Variants in PCDHA4 observed in about 807,000 individuals in gnomAD.
PCDHA4 encodes protocadherin alpha-4.
In PCDHA4, 49 loss-of-function variants were observed where a neutral mutation model predicts 61.4. The observed-to-expected ratio is 0.80, with a 90% CI of 0.63 to 1.01. The LOEUF is 1.01. Among genes scored for constraint, PCDHA4 ranks in the 50% least tolerant of loss-of-function variants. The pLI, the probability that PCDHA4 is intolerant of heterozygous loss-of-function variation, is 0.00. For synonymous variants in PCDHA4, 590 were observed against 550.3 expected, an observed-to-expected ratio of 1.07 and a Z score of -1.01; for missense variants, 1,254 against 1,235.8, an observed-to-expected ratio of 1.01 and a Z score of -0.22.
chr5:140,942,122 G>A (rs2093234713), intron 1 of PCDHA4, among the ~76,000 whole-genome samples: 1 of 152,064 alleles, frequency 6.6e-6, no homozygotes, highest in Non-Finnish European at 1.5e-5. Flanking sequence ...TTTATTAAAG[G>A]TGATATTTGT....
intron 3 of PCDHA4, among the ~76,000 whole-genome samples, chr5:140,996,923 A>G (rs1385919756): frequency 6.6e-6 from 1 of 152,230 alleles, no homozygotes; most frequent in Non-Finnish European, 1.5e-5. Flanking sequence ...ATATTAAAAA[A>G]TATAGCATTT....
intron 1 of PCDHA4, chr5:140,868,213 A>G (rs1296985055): frequency 6.6e-6 from 1 of 152,200 alleles, no homozygotes; most frequent in Non-Finnish European, 1.5e-5. Flanking sequence ...GAAATAATAT[A>G]TGTCAAATAA....
Position 140,926,923 on chromosome 5 carries a change from T to C in PCDHA4, c.2386-52026T>C, listed in dbSNP as rs532425369. On this transcript the variant is annotated intron_variant, in intron 1 of 3. Transcript: ENST00000530339. ...GGGCTGTGGGGTGGCAGTTTTATGT[T>C]TGTGGGTTTCCTGCGGCGCTGCAGC... 35 of 1,571,554 alleles carry C rather than the reference T, an allele frequency of 2.2e-5. No homozygotes were observed. The East Asian group carries it at 6.5e-4, about 29-fold the overall frequency.
chr5:140,952,923 C>CAGGA (rs1455819119), intron 1 of PCDHA4, among the ~76,000 whole-genome samples: 1 of 151,990 alleles, frequency 6.6e-6, no homozygotes, highest in Non-Finnish European at 1.5e-5. Flanking sequence ...ATGGCATGAG[C>CAGGA]AGGAGCAGGA....
At chr5:140,832,690 A>T (rs1294300661) in intron 1 of PCDHA4, among the ~76,000 whole-genome samples, 1 of 152,324 alleles carries the variant, frequency 6.6e-6, no homozygotes, top group South Asian at 2.1e-4. Flanking sequence ...AATTAACAAG[A>T]CCTGGCTTCA....
intron 3 of PCDHA4, among the ~76,000 whole-genome samples, chr5:140,991,894 C>T (rs1426754578): frequency 6.6e-6 from 1 of 152,164 alleles, no homozygotes; most frequent in Non-Finnish European, 1.5e-5. Context: ...AACAAATTAA[C>T]ACAAAATCCC....
intron 1 of PCDHA4, chr5:140,842,662 C>G (rs2150341461): frequency 1.3e-6 from 2 of 1,595,426 alleles, no homozygotes; most frequent in East Asian, 2.2e-5. Context: ...AGGTGGCCGA[C>G]GTGAACGACA....
intron 3 of PCDHA4, among the ~76,000 whole-genome samples, chr5:140,999,590 C>T (rs951986017): frequency 3.3e-5 from 5 of 152,132 alleles, no homozygotes; most frequent in Non-Finnish European, 7.3e-5. Context: ...AAATTGCCTT[C>T]CCTACATCCT....
intron 2 of PCDHA4, among the ~76,000 whole-genome samples, chr5:140,981,118 G>A (rs1205022984): frequency 6.6e-6 from 1 of 152,196 alleles, no homozygotes; most frequent in Admixed American, 6.5e-5. Flanking sequence ...TACTGGATAT[G>A]TTGTTTGAAG....
Position 140,818,967 on chromosome 5 carries a change from A to T in PCDHA4, c.2385+9395A>T, listed in dbSNP as rs2150102814. On this transcript the variant is annotated intron_variant, in intron 1 of 3. Transcript: ENST00000530339. Reference sequence around the variant, plus strand: ...CATTGATATTCACTATCTCAGGGATATGTTAGAACTATTCTCATATTTTCT... The same window carrying T: ...CATTGATATTCACTATCTCAGGGATTTGTTAGAACTATTCTCATATTTTCT... Among the ~76,000 whole-genome samples, 9 of 152,370 alleles carry T rather than the reference A, an allele frequency of 5.9e-5. No homozygotes were observed. The East Asian group carries it at 1.7e-3, about 29-fold the overall frequency.
intron 1 of PCDHA4, chr5:140,823,399 C>G: frequency 6.2e-7 from 1 of 1,612,960 alleles, no homozygotes; most frequent in Non-Finnish European, 8.5e-7. Flanking sequence ...CGCGGGCGTG[C>G]CGCCTCTGGG....
intron 1 of PCDHA4, chr5:140,842,971 G>T: frequency 6.3e-7 from 1 of 1,594,964 alleles, no homozygotes; most frequent in Non-Finnish European, 8.6e-7. Context: ...GCAACGTGAC[G>T]CTGCAGGTGT....
At position 140,843,028 on chromosome 5, in the gene PCDHA4, G is replaced by A. The variant is rs2150350487; in HGVS notation, c.2385+33456G>A. 21 of 1,595,152 alleles carry A rather than the reference G, an allele frequency of 1.3e-5. 1 individual carries two copies. Among genetic ancestry groups the A allele is most frequent in the Non-Finnish European group, 1.7e-5 (20 of 1,165,462 alleles). ...ACGCGCCGGCACTGCTGGAGCCTCG[G>A]GTGGGTGGCACTGGTGGCGCAGCGA... On this transcript the variant is annotated intron_variant, in intron 1 of 3. Transcript: ENST00000530339.
intron 1 of PCDHA4, chr5:140,823,666 A>T: frequency 6.2e-7 from 1 of 1,614,028 alleles, no homozygotes; most frequent in South Asian, 1.1e-5. Context: ...AGGCGAGATC[A>T]GCACAACACG....
At chr5:140,959,499 C>T (rs2095491321) in intron 1 of PCDHA4, among the ~76,000 whole-genome samples, 1 of 151,982 alleles carries the variant, frequency 6.6e-6, no homozygotes. Flanking sequence ...ATGGATCAAA[C>T]TAAAAAATTT....
intron 1 of PCDHA4, among the ~76,000 whole-genome samples, chr5:140,889,878 A>G (rs1456816812): frequency 6.6e-6 from 1 of 152,178 alleles, no homozygotes; most frequent in African/African-American, 2.4e-5. Flanking sequence ...GCCTGCCACC[A>G]TGTAAGAATT....
At chr5:140,833,945 ATCTT>A (rs2150125418) in intron 1 of PCDHA4, among the ~76,000 whole-genome samples, 1 of 152,258 alleles carries the variant, frequency 6.6e-6, no homozygotes, top group East Asian at 1.9e-4. Flanking sequence ...TTAGGTTTCT[ATCTT>A]TATTTAAAAC....
chr5:140,817,885 G>C (rs1401548186), intron 1 of PCDHA4, among the ~76,000 whole-genome samples: 16 of 152,082 alleles, frequency 1.1e-4, no homozygotes, highest in Admixed American at 1.0e-3. Context: ...AGTTATTTTT[G>C]CCAGCACTTT....
chr5:140,952,734 C>T (rs143946641), intron 1 of PCDHA4, among the ~76,000 whole-genome samples: 1 of 152,272 alleles, frequency 6.6e-6, no homozygotes, highest in East Asian at 1.9e-4. Flanking sequence ...CTAGTCTTTT[C>T]TCACACTGCT....
Sources: gnomAD v4.1 joint callset for allele counts (sites outside exome capture counted in the v4.1 genomes callset) on GRCh38, gnomAD v4.1.1 for gene constraint, MANE v1.5 for transcripts, NCBI Gene and HGNC (gene_info 2026-07-23, HGNC 2026-07-21) for gene names.